CDK19: variants seen among roughly 807,000 people sequenced by gnomAD.
The protein encoded by CDK19 is cyclin dependent kinase 19, also known as cyclin-dependent kinase 19.
Under a neutral mutation model 68.3 loss-of-function variants are expected in CDK19, and 20 were observed. That is an observed-to-expected ratio of 0.29 (90% confidence interval 0.21 to 0.43). The LOEUF (loss-of-function observed/expected upper bound fraction) is 0.43. Ranked by LOEUF, CDK19 falls within the 20% of genes least tolerant of loss-of-function variation. The pLI is 1.00. For missense variants in CDK19, 339 were observed against 623.5 expected, an observed-to-expected ratio of 0.54 and a Z score of 4.86; for synonymous variants, 221 against 222.8, an observed-to-expected ratio of 0.99 and a Z score of 0.07.
In CDK19 at chr6:110,771,023, C is replaced by A. The variant is rs9400414; in HGVS notation, c.129-24822G>T. Among the ~76,000 whole-genome samples, 3,330 of 152,260 alleles carry A rather than the reference C, an allele frequency of 0.022. 358 individuals are homozygous for A. In the East Asian group the frequency reaches 0.35, roughly 16 times the overall value. ...CTGTGGCTTTGCAGGGTATAGCCCC[C>A]CTCCTGGCTACTTTCACGGGCTGGT... On this transcript the variant is annotated intron_variant, in intron 1 of 12. Transcript: ENST00000368911.
chr6:110,691,686 C>T (rs1030405450), intron 2 of CDK19, among the ~76,000 whole-genome samples: 8 of 150,596 alleles, frequency 5.3e-5, no homozygotes, highest in East Asian at 2.0e-4. Flanking sequence ...CTCGCTCTGT[C>T]GCCCAGGTTG....
At chr6:110,620,960 A>T in intron 12 of CDK19, 144 bp downstream of exon 12, 1 of 733,406 alleles carries the variant, frequency 1.4e-6, no homozygotes, top group South Asian at 2.1e-5. Context: ...AATATGATGA[A>T]AATCTTCCTC....
chr6:110,767,503 C>T (rs969041782), intron 1 of CDK19, among the ~76,000 whole-genome samples: 9 of 150,656 alleles, frequency 6.0e-5, no homozygotes, highest in African/African-American at 2.2e-4. Context: ...TACAGGCATA[C>T]GTCACCATGC....
chr6:110,774,303 T>C (rs1029587657), intron 1 of CDK19, among the ~76,000 whole-genome samples: 1 of 152,196 alleles, frequency 6.6e-6, no homozygotes, highest in Non-Finnish European at 1.5e-5. Context: ...AGTCCCCCCT[T>C]ATCCATGGGG....
chr6:110,727,247 C>T (rs911842396), intron 2 of CDK19, among the ~76,000 whole-genome samples: 1 of 152,116 alleles, frequency 6.6e-6, no homozygotes, highest in African/African-American at 2.4e-5. Flanking sequence ...CCCAGACCCT[C>T]GCCATACCCC....
chr6:110,699,053 C>CAAAA (rs564638902), intron 2 of CDK19, among the ~76,000 whole-genome samples: 1 of 108,818 alleles, frequency 9.2e-6, no homozygotes, highest in Non-Finnish European at 1.9e-5. Context: ...GACCCTGTCT[C>CAAAA]AAAAAAAAAA....
Position 110,734,520 on chromosome 6 carries a change from G to GCTCTCGCTCTCTCTCT in CDK19, c.204+11605_204+11606insAGAGAGAGAGCGAGAG, listed in dbSNP as rs1777051434. 1.0e-4 allele frequency among the ~76,000 whole-genome samples: 9 copies of GCTCTCGCTCTCTCTCT among 85,734 alleles called. 1 individual carries two copies. The highest frequency in any genetic ancestry group is 1.4e-4 in the Non-Finnish European group (6 of 42,848). The allele number at this position is 85,734 out of a possible 152,430, so 56.2% of individuals were successfully genotyped here. On this transcript the variant is annotated intron_variant, in intron 2 of 12. Transcript: ENST00000368911. ...TGATAAAACTAAGAGGGTGAGCACT[G>GCTCTCGCTCTCTCTCT]CTCTCTCTCTCTCTCTCTCTCTCTC...
intron 2 of CDK19, among the ~76,000 whole-genome samples, chr6:110,682,218 G>A (rs1307690440): frequency 1.3e-5 from 2 of 152,272 alleles, no homozygotes; most frequent in Admixed American, 1.3e-4. Flanking sequence ...TTAAGTAACA[G>A]TGTGATTCAT....
intron 6 of CDK19, among the ~76,000 whole-genome samples, chr6:110,628,451 T>C (rs933990048): frequency 2.0e-5 from 3 of 152,208 alleles, no homozygotes; most frequent in African/African-American, 7.2e-5. Flanking sequence ...TTGTGTACCA[T>C]TCTGAGCAGT....
intron 4 of CDK19, chr6:110,646,399 G>T: frequency 1.3e-6 from 2 of 1,482,696 alleles, no homozygotes; most frequent in South Asian, 1.3e-5. Flanking sequence ...CCATGGGGCT[G>T]CTGGCGGGCG....
chr6:110,628,715 T>C (rs1779251861), intron 6 of CDK19, among the ~76,000 whole-genome samples: 1 of 152,222 alleles, frequency 6.6e-6, no homozygotes. Flanking sequence ...CGCATCAGAA[T>C]GCTCTCTCCT....
At chr6:110,719,968 A>T (rs1177073859) in intron 2 of CDK19, among the ~76,000 whole-genome samples, 4 of 31,580 alleles carry the variant, frequency 1.3e-4, no homozygotes, top group East Asian at 1.5e-3. Context: ...TGACCTTGTG[A>T]TCCGCCCCCC....
intron 2 of CDK19, among the ~76,000 whole-genome samples, chr6:110,727,558 A>G (rs1776403059): frequency 6.6e-6 from 1 of 152,182 alleles, no homozygotes; most frequent in African/African-American, 2.4e-5. Context: ...TACTGAGATC[A>G]TAATTGTCTC....
At chr6:110,677,391 G>A (rs145624222) in intron 2 of CDK19, among the ~76,000 whole-genome samples, 6,256 of 151,868 alleles carry the variant, frequency 0.041, 158 homozygotes, top group South Asian at 0.082. Flanking sequence ...GTGAAACCCC[G>A]TCTCTATTAA....
Position 110,807,659 on chromosome 6 carries a change from G to A in CDK19, c.128+7350C>T, listed in dbSNP as rs149810964. 1.2e-4 allele frequency among the ~76,000 whole-genome samples: 18 copies of A among 152,010 alleles called. No homozygotes were observed. The East Asian group carries it at 2.3e-3, about 20-fold the overall frequency. ...TATTTTTAGTAGAGACGGAGTTTTCGCTGTTGGCAAGGCTGGCCTTGATCT... is the reference window on the plus strand; with the variant it reads ...TATTTTTAGTAGAGACGGAGTTTTCACTGTTGGCAAGGCTGGCCTTGATCT... On this transcript the variant is annotated intron_variant, in intron 1 of 12. Transcript: ENST00000368911.
chr6:110,647,221 T>C (rs1780659919), intron 4 of CDK19, among the ~76,000 whole-genome samples: 1 of 152,126 alleles, frequency 6.6e-6, no homozygotes, highest in Non-Finnish European at 1.5e-5. Flanking sequence ...CATGCGACGG[T>C]GTCTCTCTCC....
At chr6:110,636,927 C>T (rs1350085411) in intron 5 of CDK19, among the ~76,000 whole-genome samples, 1 of 152,236 alleles carries the variant, frequency 6.6e-6, no homozygotes, top group Non-Finnish European at 1.5e-5. Context: ...AAAGGAAAGT[C>T]TGTCTTTCAC....
chr6:110,756,975 A>C (rs2114931887), intron 1 of CDK19, among the ~76,000 whole-genome samples: 1 of 152,334 alleles, frequency 6.6e-6, no homozygotes, highest in Middle Eastern at 3.4e-3. Flanking sequence ...TTAAAACCAC[A>C]GAAGTAACTG....
At chr6:110,812,032 T>C (rs1783140562) in intron 1 of CDK19, among the ~76,000 whole-genome samples, 1 of 151,484 alleles carries the variant, frequency 6.6e-6, no homozygotes, top group Non-Finnish European at 1.5e-5. Flanking sequence ...ACCCGGTCTC[T>C]ACAAAAAATA....
Sources: allele counts gnomAD v4.1 joint callset (sites outside exome capture counted in the v4.1 genomes callset), GRCh38; gene constraint gnomAD v4.1.1; transcripts MANE v1.5; gene names NCBI Gene and HGNC (gene_info 2026-07-23, HGNC 2026-07-21).